The following CADPS variants were observed in gnomAD, a reference collection of about 807,000 sequenced individuals.
The protein encoded by CADPS is calcium dependent secretion activator.
A neutral mutation model predicts 167.3 loss-of-function variants in CADPS; 57 were observed. That is an observed-to-expected ratio of 0.34 (90% CI 0.28 to 0.42). The LOEUF is 0.42. Ranked by LOEUF, CADPS falls within the 20% of genes least tolerant of loss-of-function variation. The pLI, the probability that CADPS is intolerant of heterozygous loss-of-function variation, is 1.00. For missense variants in CADPS, 1,414 were observed against 1,738.1 expected (o/e 0.81, Z 3.32); for synonymous variants, 676 against 635.3 (o/e 1.06, Z -0.96).
At position 62,481,787 on chromosome 3, in the gene CADPS, G is replaced by T. The variant is rs767902686; in HGVS notation, c.3109C>A (p.Leu1037Ile). The T allele has an allele frequency of 6.2e-7, 1 of 1,611,966 alleles. No individual in the cohort carries two copies. Among genetic ancestry groups the T allele is most frequent in the Non-Finnish European group, 8.5e-7 (1 of 1,179,152 alleles). The change falls in exon 22 of 30, where the codon CTA becomes ATA. Residue 1037 changes from leucine to isoleucine, a missense_variant. By Grantham distance (5) the Leu-to-Ile change is conservative. Coordinates refer to ENST00000383710, the MANE Select transcript of CADPS (RefSeq NM_003716.4). ...AAAGTAGGCATTTGTGGGATGCCTA[G>T]AGGGATGTTAACTGGTAGATTTGGT... ...KVPNLPVNIPLGIPQMPTFSA... is the reference protein window; with the variant it reads ...KVPNLPVNIPIGIPQMPTFSA...
chr3:62,486,816 T>G (rs2062891851), intron 21 of CADPS, among the ~76,000 whole-genome samples: 1 of 152,252 alleles, frequency 6.6e-6, no homozygotes, highest in South Asian at 2.1e-4. Context: ...CCACAGGCAG[T>G]GTGCTTGGAG....
intron 28 of CADPS, chr3:62,404,811 G>A (rs1483890093): frequency 1.5e-5 from 2 of 129,270 alleles, no homozygotes; most frequent in Non-Finnish European, 3.2e-5. Flanking sequence ...GAGATTTGCA[G>A]TTCACTCCAT....
At chr3:62,805,330 A>T (rs1457270859) in intron 1 of CADPS, among the ~76,000 whole-genome samples, 3 of 152,176 alleles carry the variant, frequency 2.0e-5, no homozygotes, top group African/African-American at 7.2e-5. Flanking sequence ...GCAACCTATG[A>T]AGTAGGTATT....
intron 3 of CADPS, among the ~76,000 whole-genome samples, chr3:62,666,196 C>T (rs1315781834): frequency 6.6e-6 from 1 of 152,134 alleles, no homozygotes; most frequent in Non-Finnish European, 1.5e-5. Context: ...CTCTGTTAGA[C>T]TTTAATTAGC....
chr3:62,624,439 C>A (rs2063676419), intron 6 of CADPS, among the ~76,000 whole-genome samples: 1 of 151,938 alleles, frequency 6.6e-6, no homozygotes, highest in South Asian at 2.1e-4. Flanking sequence ...ATGAATTGTT[C>A]TCTGTTAAGT....
intron 3 of CADPS, among the ~76,000 whole-genome samples, chr3:62,698,018 G>A (rs2080662898): frequency 6.6e-6 from 1 of 151,760 alleles, no homozygotes; most frequent in Non-Finnish European, 1.5e-5. Flanking sequence ...TGTATAGATG[G>A]TAAAGATTTT....
At chr3:62,626,851 A>G (rs1435393105) in intron 6 of CADPS, among the ~76,000 whole-genome samples, 1 of 152,196 alleles carries the variant, frequency 6.6e-6, no homozygotes, top group African/African-American at 2.4e-5. Flanking sequence ...ATATGCTGAT[A>G]TGTTGTGAGG....
intron 1 of CADPS, among the ~76,000 whole-genome samples, chr3:62,806,308 A>G (rs1297364060): frequency 6.6e-6 from 1 of 151,120 alleles, no homozygotes; most frequent in Non-Finnish European, 1.5e-5. Context: ...TTGAACATCT[A>G]CTTTAAACCA....
At chr3:62,860,941 G>C (rs1334522987) in intron 1 of CADPS, among the ~76,000 whole-genome samples, 1 of 152,178 alleles carries the variant, frequency 6.6e-6, no homozygotes. Context: ...TTTGGGGGAT[G>C]AAATCATGTT....
chr3:62,743,410 G>T (rs2080739483), intron 3 of CADPS, among the ~76,000 whole-genome samples: 1 of 152,038 alleles, frequency 6.6e-6, no homozygotes, highest in South Asian at 2.1e-4. Context: ...AAGACCACAG[G>T]GTTCACAAAG....
At chr3:62,750,181 C>A (rs1353798978) in intron 3 of CADPS, among the ~76,000 whole-genome samples, 1 of 151,268 alleles carries the variant, frequency 6.6e-6, no homozygotes, top group African/African-American at 2.4e-5. Context: ...GAAAAACCCA[C>A]CTCTACTAAA....
At chr3:62,781,845 TA>T (rs1405022778) in intron 1 of CADPS, among the ~76,000 whole-genome samples, 1 of 152,136 alleles carries the variant, frequency 6.6e-6, no homozygotes, top group East Asian at 1.9e-4. Context: ...TATGAAAAAA[TA>T]AAAATAAAAA....
chr3:62,414,966 T>C (rs946150551), intron 28 of CADPS, among the ~76,000 whole-genome samples: 2 of 151,948 alleles, frequency 1.3e-5, no homozygotes, highest in Non-Finnish European at 2.9e-5. Context: ...GCTCCAAGTC[T>C]GGGCAGGAAG....
intron 1 of CADPS, among the ~76,000 whole-genome samples, chr3:62,850,769 T>C (rs867697491): frequency 4.4e-4 from 67 of 150,650 alleles, no homozygotes; most frequent in Admixed American, 1.5e-3. Flanking sequence ...GGGTGGAGAG[T>C]TCTGTAGATG....
Position 62,855,091 on chromosome 3 carries a change from A to ATTTTTT in CADPS, c.441+19492_441+19497dup, listed in dbSNP as rs554197608. Among the ~76,000 whole-genome samples the ATTTTTT allele has an allele frequency of 4.0e-3, 369 of 92,610 alleles. 15 individuals carry two copies. The highest frequency in any genetic ancestry group is 0.01 in the Middle Eastern group (1 of 98). The allele number at this position is 92,610 out of a possible 152,430, so 60.8% of individuals were successfully genotyped here. On this transcript the variant is annotated intron_variant, in intron 1 of 29. Transcript: ENST00000383710. Reference sequence around the variant, plus strand: ...AGGCACGTGCCATCATGCCCGGCTAATTTTTTTTTTTTTTTTTTGTCTTTT... The same window carrying ATTTTTT: ...AGGCACGTGCCATCATGCCCGGCTAATTTTTTTTTTTTTTTTTTTTTTTTGTCTTTT...
chr3:62,436,851 C>T (rs565894904), intron 28 of CADPS, among the ~76,000 whole-genome samples: 7 of 149,376 alleles, frequency 4.7e-5, no homozygotes, highest in Admixed American at 4.0e-4. Flanking sequence ...AGAAAGGGGA[C>T]GATTGGAAAA....
chr3:62,560,589 C>T (rs1217026745), intron 9 of CADPS, among the ~76,000 whole-genome samples: 4 of 152,170 alleles, frequency 2.6e-5, no homozygotes, highest in African/African-American at 9.7e-5. Flanking sequence ...AGAACTCTGT[C>T]TTTCACATCC....
chr3:62,626,472 A>G, intron 6 of CADPS: 1 of 701,882 alleles, frequency 1.4e-6, no homozygotes, highest in Non-Finnish European at 2.6e-6. Flanking sequence ...TGACTCTTCA[A>G]GCACAAATCT....
chr3:62,799,329 G>T (rs895112982), intron 1 of CADPS, among the ~76,000 whole-genome samples: 1 of 152,130 alleles, frequency 6.6e-6, no homozygotes, highest in Admixed American at 6.6e-5. Context: ...CATGTAGCCT[G>T]TTGGTGTGCT....
Sources: allele counts gnomAD v4.1 joint callset (sites outside exome capture counted in the v4.1 genomes callset), GRCh38; gene constraint gnomAD v4.1.1; transcripts MANE v1.5; gene names NCBI Gene and HGNC (gene_info 2026-07-23, HGNC 2026-07-21).